Variants in KCNN4 observed in about 807,000 individuals in gnomAD.
The protein encoded by KCNN4 is intermediate conductance calcium-activated potassium channel protein 4.
Under a neutral mutation model 45.2 loss-of-function variants are expected in KCNN4, and 31 were observed. The observed-to-expected ratio is 0.69, with a 90% CI of 0.52 to 0.92. The LOEUF (loss-of-function observed/expected upper bound fraction) is 0.92, where lower values mean the gene tolerates loss of function less well. KCNN4 is among the 40% of genes least tolerant of loss of function. The pLI is 0.00. For synonymous variants in KCNN4, 231 were observed against 254.6 expected (o/e 0.91, Z 0.88); for missense variants, 463 against 574.0 (o/e 0.81, Z 1.98).
At chr19:43,768,544 G>C (rs868104081) in intron 7 of KCNN4, among the ~76,000 whole-genome samples, 2 of 152,198 alleles carry the variant, frequency 1.3e-5, no homozygotes, top group African/African-American at 4.8e-5. Flanking sequence ...TGAGTTTTAC[G>C]GAAACAATGT....
At chr19:43,780,276 G>A (rs1432075620) in intron 1 of KCNN4, among the ~76,000 whole-genome samples, 2 of 151,908 alleles carry the variant, frequency 1.3e-5, no homozygotes, top group Non-Finnish European at 2.9e-5. Flanking sequence ...AAGGACCCCA[G>A]CAACTGTCTC....
intron 4 of KCNN4, 100 bp downstream of exon 4, chr19:43,771,900 C>T: frequency 7.2e-7 from 1 of 1,386,018 alleles, no homozygotes; most frequent in African/African-American, 1.5e-5. Context: ...CAGGAGCTGT[C>T]CCTGAGAGCC....
At chr19:43,779,589 G>A (rs897810852) in intron 1 of KCNN4, among the ~76,000 whole-genome samples, 2 of 151,994 alleles carry the variant, frequency 1.3e-5, no homozygotes, top group South Asian at 4.2e-4. Flanking sequence ...GAGCAAGTCT[G>A]TTCTCCCCTC....
In KCNN4 at chr19:43,776,563, G is replaced by A. The variant is rs201694270; in HGVS notation, c.233C>T (p.Ala78Val). The stretch of plus-strand genomic sequence containing the variant: ...TACCTGGACCTCTTTGGCATGAAAG[G>A]CCACGATGAGGCAGAGGAGTAAGAA... ...STFLLLCLIV[A>V]FHAKEVQLFM... Residue 78 changes from alanine to valine, a missense_variant, in exon 2 of 9, where the codon GCC (alanine) becomes GTC (valine). Physicochemically the swap from Ala to Val is moderately conservative, Grantham distance 64. Coordinates refer to ENST00000648319, the MANE Select transcript of KCNN4 (RefSeq NM_002250.3). The A allele has an allele frequency of 1.9e-4, 313 of 1,613,472 alleles. No homozygotes were observed. Among genetic ancestry groups the A allele is most frequent in the Admixed American group, 3.7e-4 (22 of 59,990 alleles).
At chr19:43,777,983 C>T (rs1381400646) in intron 1 of KCNN4, among the ~76,000 whole-genome samples, 1 of 152,112 alleles carries the variant, frequency 6.6e-6, no homozygotes, top group Non-Finnish European at 1.5e-5. Flanking sequence ...TTGTCACCAG[C>T]CCTCCCCCAC....
At chr19:43,773,933 G>C (rs1457654134) in intron 3 of KCNN4, among the ~76,000 whole-genome samples, 1 of 152,214 alleles carries the variant, frequency 6.6e-6, no homozygotes, top group East Asian at 1.9e-4. Flanking sequence ...GAAGGGAGGG[G>C]CTTTCTAGGG....
intron 7 of KCNN4, 148 bp downstream of exon 7, chr19:43,768,815 C>A (rs1363760716): frequency 2.9e-6 from 2 of 695,124 alleles, no homozygotes; most frequent in Non-Finnish European, 5.1e-6. Context: ...TCATTCATTC[C>A]TTCCTTCCTT....
rs200915497 is a variant in KCNN4, at chr19:43,780,915, G to T, written c.-54C>A. ...CTTCCTGCCCAGGGTCCCCCACCTC[G>T]CAGCACGCACAGGGCAGCCACTGTG... On this transcript the variant is annotated 5_prime_UTR_variant, in exon 1 of 9. Coordinates refer to ENST00000648319, the MANE Select transcript of KCNN4 (RefSeq NM_002250.3). 1.3e-6 allele frequency: 2 copies of T among 1,582,744 alleles called. No individual in the cohort carries two copies. Among genetic ancestry groups the T allele is most frequent in the Non-Finnish European group, 1.7e-6 (2 of 1,157,548 alleles).
intron 4 of KCNN4, among the ~76,000 whole-genome samples, chr19:43,770,855 C>A (rs1305048593): frequency 6.6e-6 from 1 of 152,226 alleles, no homozygotes; most frequent in Non-Finnish European, 1.5e-5. Context: ...CTCTAGGTTT[C>A]TGTTTCTCCT....
At chr19:43,770,892 A>G (rs1232788122) in intron 4 of KCNN4, among the ~76,000 whole-genome samples, 1 of 152,132 alleles carries the variant, frequency 6.6e-6, no homozygotes, top group Non-Finnish European at 1.5e-5. Flanking sequence ...GGAGGTCCTG[A>G]GCGGTGCTGC....
intron 1 of KCNN4, among the ~76,000 whole-genome samples, chr19:43,779,349 G>A (rs568476903): frequency 3.9e-5 from 6 of 152,192 alleles, no homozygotes; most frequent in South Asian, 4.1e-4. Flanking sequence ...CATGGACTTC[G>A]GCGGCCCCAC....
At chr19:43,770,339 C>T (rs1969610375) in intron 4 of KCNN4, among the ~76,000 whole-genome samples, 1 of 152,184 alleles carries the variant, frequency 6.6e-6, no homozygotes, top group South Asian at 2.1e-4. Flanking sequence ...CTTCCAAGGT[C>T]TATGCCTCCC....
chr19:43,777,441 C>G (rs1969846716), intron 1 of KCNN4, among the ~76,000 whole-genome samples: 1 of 151,950 alleles, frequency 6.6e-6, no homozygotes, highest in Non-Finnish European at 1.5e-5. Context: ...AACCCCAACC[C>G]CAGATCTGGA....
Position 43,769,372 on chromosome 19 carries a change from C to A in KCNN4, c.1049+70G>T, listed in dbSNP as rs767000323. 2 of 1,256,630 alleles carry A rather than the reference C, an allele frequency of 1.6e-6. No individual in the cohort carries two copies. The highest frequency in any genetic ancestry group is 2.3e-6 in the Non-Finnish European group (2 of 864,560). The allele number at this position is 1,256,630 out of a possible 1,614,324, so 77.8% of individuals were successfully genotyped here. ...CTGGACAGGCATGGACATGCACACA[C>A]ACAGCCGTGCAGAGAGGTGACTTGG... On this transcript the variant is annotated intron_variant, in intron 6 of 8. Transcript: ENST00000648319. This position sits in a 1 kb window ranked among gnomAD's most constrained non-coding sequence, Gnocchi z 4.4.
chr19:43,774,061 G>A lies in KCNN4; in HGVS notation c.683+131C>T, dbSNP rs1413846448. ...GTGGGCAAATTTCAGCCAGCAAGAG[G>A]AGAAGGGGTCAAAGTGTGAACTTTC... On this transcript the variant is annotated intron_variant, in intron 3 of 8. Transcript: ENST00000648319. The surrounding 1 kb of genome is among the most constrained non-coding windows in gnomAD (Gnocchi z 5.6). 13 of 972,766 alleles carry A rather than the reference G, an allele frequency of 1.3e-5. No homozygotes were observed. Among genetic ancestry groups the A allele is most frequent in the Non-Finnish European group, 2.0e-5 (13 of 662,256 alleles). 60.3% of individuals were successfully genotyped at this position (972,766 alleles called of 1,614,324 possible).
In KCNN4 at chr19:43,767,585, C is replaced by T. The variant is rs780841578; in HGVS notation, c.1242G>A (p.Leu414=). ...DALTELLSTA[L]GPRQLPEPSQ... The stretch of plus-strand genomic sequence containing the variant: ...TGGGTTCTGGAAGCTGCCTCGGCCC[C>T]AGGGCAGTGCTAAGCAGCTCAGTCA... The change falls in exon 8 of 9, where the codon CTG becomes CTA. Residue 414 remains leucine, a synonymous_variant. Coordinates refer to ENST00000648319, the MANE Select transcript of KCNN4 (RefSeq NM_002250.3). 7 of 1,614,112 alleles carry T rather than the reference C, an allele frequency of 4.3e-6. No homozygotes were observed. Among genetic ancestry groups the T allele is most frequent in the Non-Finnish European group, 4.2e-6 (5 of 1,180,040 alleles).
In KCNN4 at chr19:43,780,939, T is replaced by C; in HGVS notation, c.-78A>G. 1 of 1,465,954 alleles carries C rather than the reference T, an allele frequency of 6.8e-7. No individual in the cohort carries two copies. Among genetic ancestry groups the C allele is most frequent in the African/African-American group, 1.4e-5 (1 of 72,028 alleles). 90.8% of individuals were successfully genotyped at this position (1,465,954 alleles called of 1,614,324 possible). On this transcript the variant is annotated 5_prime_UTR_variant, in exon 1 of 9. Transcript: ENST00000648319. ...CGCAGCACGCACAGGGCAGCCACTG[T>C]GGCTTGCAGGTCGTCAGCCTGCTCT...
At chr19:43,778,421 A>G (rs1969872455) in intron 1 of KCNN4, among the ~76,000 whole-genome samples, 1 of 152,086 alleles carries the variant, frequency 6.6e-6, no homozygotes, top group Non-Finnish European at 1.5e-5. Flanking sequence ...TTGTGTTTTT[A>G]GTAGAGATGG....
At chr19:43,780,529 GT>G (rs1969952217) in intron 1 of KCNN4, among the ~76,000 whole-genome samples, 173 bp downstream of exon 1, 1 of 96,300 alleles carries the variant, frequency 1.0e-5, no homozygotes, top group African/African-American at 4.4e-5. Context: ...AGGAGTCCAA[GT>G]CCCCAGTCCC....
Sources: allele counts gnomAD v4.1 joint callset (sites outside exome capture counted in the v4.1 genomes callset), GRCh38; gene constraint gnomAD v4.1.1; non-coding constraint Gnocchi (gnomAD v3.1); transcripts MANE v1.5; gene names NCBI Gene and HGNC (gene_info 2026-07-23, HGNC 2026-07-21).